ALKBH8: variants seen among roughly 807,000 people sequenced by gnomAD.
ALKBH8 encodes the protein tRNA (carboxymethyluridine(34)-5-O)-methyltransferase ALKBH8.
A neutral mutation model predicts 59.8 loss-of-function variants in ALKBH8; 36 were observed. The ratio of observed to expected loss-of-function variants is 0.60; its 90% confidence interval spans 0.46 to 0.79. The LOEUF (loss-of-function observed/expected upper bound fraction) is 0.79, where lower values mean the gene tolerates loss of function less well. Among genes scored for constraint, ALKBH8 ranks in the 30% least tolerant of loss-of-function variants. ALKBH8 has a pLI of 0.00. For missense variants in ALKBH8, 768 were observed against 801.0 expected, an observed-to-expected ratio of 0.96 and a Z score of 0.50; for synonymous variants, 276 against 273.6, an observed-to-expected ratio of 1.01 and a Z score of -0.09.
At chr11:107,562,253 C>T (rs1864965551) in intron 1 of ALKBH8, among the ~76,000 whole-genome samples, 1 of 148,544 alleles carries the variant, frequency 6.7e-6, no homozygotes, top group African/African-American at 2.5e-5. Context: ...GAGCCAAGAT[C>T]ATGCTACTAC....
chr11:107,504,241 A>T lies in ALKBH8; in HGVS notation c.*417T>A, dbSNP rs933981846. ...CTATGATTTTACAGAGCTAAAAATC[A>T]TAGGTAAAACTTCAGACAATTTTCT... On this transcript the variant is annotated 3_prime_UTR_variant, in exon 12 of 12. Transcript: ENST00000428149. 2 of 434,324 alleles carry T rather than the reference A, an allele frequency of 4.6e-6. No individual in the cohort carries two copies. The highest frequency in any genetic ancestry group is 8.0e-6 in the Non-Finnish European group (2 of 248,720). The allele number at this position is 434,324 out of a possible 1,614,324, so 26.9% of individuals were successfully genotyped here.
chr11:107,531,968 T>G (rs1021865593), intron 8 of ALKBH8, among the ~76,000 whole-genome samples: 4 of 152,164 alleles, frequency 2.6e-5, no homozygotes, highest in African/African-American at 9.7e-5. Flanking sequence ...AGCCATGATG[T>G]CTATAACTTA....
chr11:107,559,246 G>A (rs1366859746), intron 2 of ALKBH8, among the ~76,000 whole-genome samples: 1 of 151,958 alleles, frequency 6.6e-6, no homozygotes, highest in Non-Finnish European at 1.5e-5. Context: ...CCCAGTCTCG[G>A]GTATGTCTTT....
At chr11:107,535,606 T>C (rs1209761406) in intron 7 of ALKBH8, among the ~76,000 whole-genome samples, 1 of 152,158 alleles carries the variant, frequency 6.6e-6, no homozygotes, top group Non-Finnish European at 1.5e-5. Context: ...ATATGATTGT[T>C]TGTTTTTTTC....
chr11:107,544,055 A>G (rs1397389652), intron 7 of ALKBH8, among the ~76,000 whole-genome samples: 1 of 152,234 alleles, frequency 6.6e-6, no homozygotes, highest in African/African-American at 2.4e-5. Context: ...GCCAACTGGT[A>G]GTTTCATCTA....
At chr11:107,523,912 T>C (rs1483432838) in intron 9 of ALKBH8, among the ~76,000 whole-genome samples, 1 of 151,996 alleles carries the variant, frequency 6.6e-6, no homozygotes, top group Admixed American at 6.6e-5. Flanking sequence ...GAGAATAAAT[T>C]TTTAAGTGTT....
In ALKBH8 at chr11:107,510,907, T is replaced by TTC. The variant is rs1336639311; in HGVS notation, c.1416_1417insGA (p.Ile473GlufsTer22). 1 of 1,551,344 alleles carries TTC rather than the reference T, an allele frequency of 6.4e-7. No individual in the cohort carries two copies. Among genetic ancestry groups the TTC allele is most frequent in the South Asian group, 1.2e-5 (1 of 83,972 alleles). ...CTTACTGCTGTTGCAAAATGATGAA[T>TTC]AACAGCAATGGAGATGCAGGCATCA... is the stretch of plus-strand genomic sequence containing the variant. On this transcript the variant is annotated frameshift_variant, in exon 11 of 12. Coordinates refer to ENST00000428149, the MANE Select transcript of ALKBH8 (RefSeq NM_138775.3). LOFTEE classifies it low-confidence loss of function (END_TRUNC).
chr11:107,511,712 G>A (rs1320168180), intron 10 of ALKBH8, among the ~76,000 whole-genome samples: 2 of 151,970 alleles, frequency 1.3e-5, no homozygotes, highest in Non-Finnish European at 2.9e-5. Flanking sequence ...AAGTAGCTAG[G>A]ATTACAGGCA....
chr11:107,510,080 G>T (rs977143792), intron 11 of ALKBH8, among the ~76,000 whole-genome samples: 7 of 152,000 alleles, frequency 4.6e-5, no homozygotes, highest in African/African-American at 1.7e-4. Context: ...ACCTAATATT[G>T]TTTGCTGCAG....
chr11:107,527,628 G>C, intron 8 of ALKBH8, among the ~76,000 whole-genome samples: 1 of 151,852 alleles, frequency 6.6e-6, no homozygotes, highest in East Asian at 1.9e-4. Flanking sequence ...ATTTTAAATA[G>C]CATTTTTATT....
intron 3 of ALKBH8, among the ~76,000 whole-genome samples, chr11:107,555,410 G>A (rs1422639074): frequency 6.6e-6 from 1 of 152,188 alleles, no homozygotes; most frequent in Non-Finnish European, 1.5e-5. Context: ...CTTACTTTGT[G>A]CAATTTCTTA....
chr11:107,523,390 G>C lies in ALKBH8; in HGVS notation c.1031-835C>G, dbSNP rs114118003. 6.6e-3 allele frequency among the ~76,000 whole-genome samples: 996 copies of C among 152,054 alleles called. 9 individuals carry two copies. The highest frequency in any genetic ancestry group is 0.022 in the African/African-American group (912 of 41,476). ...TACTATACAATCTCACTCATATATG[G>C]AATCTAAAAAAAAGCTGATCTCACA... On this transcript the variant is annotated intron_variant, in intron 9 of 11. Coordinates refer to ENST00000428149, the MANE Select transcript of ALKBH8 (RefSeq NM_138775.3).
intron 10 of ALKBH8, among the ~76,000 whole-genome samples, chr11:107,514,347 A>C (rs1862767801): frequency 6.6e-6 from 1 of 152,200 alleles, no homozygotes; most frequent in Admixed American, 6.5e-5. Flanking sequence ...ACTGAGTTAA[A>C]TCACATTGCC....
chr11:107,505,060 C>T lies in ALKBH8; in HGVS notation c.1593G>A (p.Met531Ile). The part of the protein sequence containing the change: ...NRNSQGKKEE[M>I]NSDTSVQRSL... ...ACCTCTGCACTGAGGTATCACTGTTCATCTCCTCTTTCTTTCCTTGGCTAT... is the reference window on the plus strand; with the variant it reads ...ACCTCTGCACTGAGGTATCACTGTTTATCTCCTCTTTCTTTCCTTGGCTAT... The change falls in exon 12 of 12, where the codon ATG becomes ATA. Residue 531 changes from methionine (M) to isoleucine (I), a missense_variant. Met to Ile is a conservative substitution (Grantham distance 10). Transcript: ENST00000428149. 6.4e-7 allele frequency: 1 copy of T among 1,551,660 alleles called. No individual in the cohort carries two copies. Among genetic ancestry groups the T allele is most frequent in the Non-Finnish European group, 8.7e-7 (1 of 1,146,974 alleles).
At chr11:107,521,423 G>A (rs1863106605) in intron 10 of ALKBH8, among the ~76,000 whole-genome samples, 1 of 151,986 alleles carries the variant, frequency 6.6e-6, no homozygotes, top group African/African-American at 2.4e-5. Context: ...CTTTCTTCAT[G>A]TAGGTGCACA....
intron 10 of ALKBH8, among the ~76,000 whole-genome samples, chr11:107,522,022 C>T (rs1486648789): frequency 6.6e-6 from 1 of 151,884 alleles, no homozygotes; most frequent in Non-Finnish European, 1.5e-5. Flanking sequence ...AAAATCCTTT[C>T]TAATCTGTAA....
rs180840114 is a variant in ALKBH8 at position 107,531,537 on chromosome 11, A to G, written c.878+763T>C. Among the ~76,000 whole-genome samples the G allele has an allele frequency of 6.0e-3, 921 of 152,374 alleles. 7 individuals are homozygous for G. Among genetic ancestry groups the G allele is most frequent in the Non-Finnish European group, 0.01 (697 of 68,036 alleles). ...TAAACAGAATTGACAAGACTTAAAC[A>G]TAATGTGGGATCATAGACTGAATCC... is the stretch of plus-strand genomic sequence containing the variant. On this transcript the variant is annotated intron_variant, in intron 8 of 11. Transcript: ENST00000428149.
Position 107,504,682 on chromosome 11 carries a change from CCA to C in ALKBH8, c.1969_1970del (p.Trp657ValfsTer31), listed in dbSNP as rs866710201. 1 of 1,548,856 alleles carries C rather than the reference CCA, an allele frequency of 6.5e-7. No homozygotes were observed. Among genetic ancestry groups the C allele is most frequent in the African/African-American group, 1.4e-5 (1 of 72,932 alleles). On this transcript the variant is annotated frameshift_variant, in exon 12 of 12. Transcript: ENST00000428149. LOFTEE classifies it high-confidence loss of function. The part of the protein sequence containing the change: ...ILQSYYDQGN[W>X]CVILQKA Reference sequence around the variant, plus strand: ...ATCAGGCCTTTTGAAGAATCACACACCAGTTTCCTTGATCGTAGTAGCTTTGC... The same window carrying C: ...ATCAGGCCTTTTGAAGAATCACACACGTTTCCTTGATCGTAGTAGCTTTGC...
intron 11 of ALKBH8, among the ~76,000 whole-genome samples, chr11:107,505,887 A>C (rs905883990): frequency 3.3e-5 from 5 of 152,216 alleles, no homozygotes; most frequent in Non-Finnish European, 5.9e-5. Context: ...GAGTACAGGG[A>C]GGTCAAAGCA....
Sources: gnomAD v4.1 joint callset for allele counts (sites outside exome capture counted in the v4.1 genomes callset) on GRCh38, gnomAD v4.1.1 for gene constraint, MANE v1.5 for transcripts, NCBI Gene and HGNC (gene_info 2026-07-23, HGNC 2026-07-21) for gene names.